Variants in BICDL1 observed in about 807,000 individuals in gnomAD.
BICDL1 encodes BICD family like cargo adaptor 1.
A neutral mutation model predicts 76.8 loss-of-function variants in BICDL1; 20 were observed. The ratio of observed to expected loss-of-function variants is 0.26; its 90% CI spans 0.18 to 0.38. The LOEUF is 0.38. Ranked by LOEUF, BICDL1 falls within the 10% of genes least tolerant of loss-of-function variation. The pLI is 1.00. For synonymous variants in BICDL1, 383 were observed against 337.1 expected, an observed-to-expected ratio of 1.14 and a Z score of -1.49; for missense variants, 700 against 798.6, an observed-to-expected ratio of 0.88 and a Z score of 1.49.
chr12:120,080,666 CA>C, intron 7 of BICDL1: 1 of 417,700 alleles, frequency 2.4e-6, no homozygotes, highest in South Asian at 2.7e-5. Flanking sequence ...AAATTCCCCC[CA>C]GCTCCCTTGC....
rs779360501 is a variant in BICDL1, at chr12:120,071,595, C to T, written c.910-27C>T. ...GTCTTGGTTTTTGTGTTTGGTAAAC[C>T]TCAACCATTTGCTCTTTCTTTGAAA... On this transcript the variant is annotated intron_variant, in intron 4 of 9. Coordinates refer to ENST00000548673, the MANE Select transcript of BICDL1 (RefSeq NM_001367886.1). This position sits in a 1 kb window ranked among gnomAD's most constrained non-coding sequence, Gnocchi z 4.8. The T allele has an allele frequency of 4.4e-6, 7 of 1,580,472 alleles. No homozygotes were observed. The highest frequency in any genetic ancestry group is 6.0e-6 in the Non-Finnish European group (7 of 1,162,708).
intron 2 of BICDL1, chr12:120,000,647 A>G (rs1386658992): frequency 1.3e-5 from 2 of 152,200 alleles, no homozygotes; most frequent in Non-Finnish European, 2.9e-5. Flanking sequence ...AACATGAGCT[A>G]AAGCAGACTC....
Position 119,998,709 on chromosome 12 carries a change from C to G in BICDL1, c.618C>G (p.Asn206Lys), listed in dbSNP as rs2138610176. 6.2e-7 allele frequency: 1 copy of G among 1,613,972 alleles called. No individual in the cohort carries two copies. Among genetic ancestry groups the G allele is most frequent in the Non-Finnish European group, 8.5e-7 (1 of 1,179,978 alleles). The stretch of plus-strand genomic sequence containing the variant: ...CTGTCCAGGAACTGTCGGAACAGAA[C>G]CAAAGGCTATTGGATCAGCTCAGCA... The part of the protein sequence containing the change: ...SRAVQELSEQ[N>K]QRLLDQLSRA... Residue 206 changes from asparagine (N) to lysine (K), a missense_variant, in exon 2 of 10, where the codon AAC becomes AAG. Physicochemically the swap from Asn to Lys is moderately conservative, Grantham distance 94. This residue lies in a region of BICDL1 where 455 missense variants were observed against 548.7 expected (regional missense o/e 0.83). Transcript: ENST00000548673.
chr12:120,006,708 T>C (rs1951856905), intron 2 of BICDL1, among the ~76,000 whole-genome samples: 1 of 152,176 alleles, frequency 6.6e-6, no homozygotes, highest in African/African-American at 2.4e-5. Context: ...AGAAGGCTGC[T>C]ATGACTGGGG....
chr12:120,001,463 G>A (rs1378692975), intron 2 of BICDL1, among the ~76,000 whole-genome samples: 1 of 151,858 alleles, frequency 6.6e-6, no homozygotes, highest in Non-Finnish European at 1.5e-5. Context: ...AGCCAGGATG[G>A]TCTCGATCTC....
intron 2 of BICDL1, 79 bp from the exon 3 acceptor site, chr12:120,061,631 T>TGATAAATGAAAGCAGAAACCTTAACA: frequency 3.1e-6 from 3 of 959,324 alleles, no homozygotes; most frequent in Non-Finnish European, 5.1e-6. Context: ...AAGAGATGCT[T>TGATAAATGAAAGCAGAAACCTTAACA]GATAAATGAA....
intron 2 of BICDL1, among the ~76,000 whole-genome samples, chr12:120,005,420 C>T (rs901031286): frequency 1.3e-5 from 2 of 152,136 alleles, no homozygotes; most frequent in Admixed American, 6.6e-5. Context: ...AGTGCGGTGG[C>T]TGGAGTGTAG....
Position 120,089,951 on chromosome 12 carries a change from G to A in BICDL1, c.1584G>A (p.Lys528=), listed in dbSNP as rs202237697. Reference sequence around the variant, plus strand: ...TTCACCCTGGCTTGTCTGTTCTCAGGAAGAATGCTGTGGAGCTGGAACTTG... The same window carrying A: ...TTCACCCTGGCTTGTCTGTTCTCAGAAAGAATGCTGTGGAGCTGGAACTTG... ...AIRDRDEAIA[K]KNAVELELAK... is the part of the protein sequence containing the mutation. The change falls in exon 9 of 10, where the codon AAG becomes AAA. Residue 528 remains lysine, a splice_region_variant and synonymous_variant. Transcript: ENST00000548673. The A allele has an allele frequency of 3.1e-6, 5 of 1,614,050 alleles. No individual in the cohort carries two copies. In the East Asian group the frequency reaches 8.9e-5, roughly 29 times the overall value.
At chr12:120,058,195 G>C (rs1014419169) in intron 2 of BICDL1, among the ~76,000 whole-genome samples, 3 of 152,172 alleles carry the variant, frequency 2.0e-5, no homozygotes, top group Admixed American at 2.0e-4. Context: ...AGCTTTTGCT[G>C]TGCATATCCC....
At chr12:120,036,380 C>T (rs1952531295) in intron 2 of BICDL1, among the ~76,000 whole-genome samples, 1 of 152,236 alleles carries the variant, frequency 6.6e-6, no homozygotes, top group Non-Finnish European at 1.5e-5. Flanking sequence ...CTTTCTGCTG[C>T]AGTGTAAACC....
In BICDL1 at chr12:120,094,012, A is replaced by ACAAGT. The variant is rs1875207867; in HGVS notation, c.*853_*857dup. On this transcript the variant is annotated 3_prime_UTR_variant, in exon 10 of 10. Coordinates refer to ENST00000548673, the MANE Select transcript of BICDL1 (RefSeq NM_001367886.1). ...ATACATAATTTCTTGGCCTAGCCAAACAAGTCCAGGCCACTGAATGGCACC... is the reference window on the plus strand; with the variant it reads ...ATACATAATTTCTTGGCCTAGCCAAACAAGTCAAGTCCAGGCCACTGAATGGCACC... 2.8e-6 allele frequency: 1 copy of ACAAGT among 354,254 alleles called. No homozygotes were observed. Among genetic ancestry groups the ACAAGT allele is most frequent in the South Asian group, 2.1e-5 (1 of 48,154 alleles). 21.9% of individuals were successfully genotyped at this position (354,254 alleles called of 1,614,324 possible).
chr12:120,031,464 A>C (rs1424969412), intron 2 of BICDL1, among the ~76,000 whole-genome samples: 1 of 152,124 alleles, frequency 6.6e-6, no homozygotes. Context: ...TCAGCCTCCC[A>C]AAGTGCTGAG....
Position 120,071,513 on chromosome 12 carries a change from A to G in BICDL1, c.910-109A>G. ...TTTAACATGTTCTTCTCTCCTATTT[A>G]TTTTTCTATAAATTGGTGGTTGGAT... On this transcript the variant is annotated intron_variant, in intron 4 of 9. Coordinates refer to ENST00000548673, the MANE Select transcript of BICDL1 (RefSeq NM_001367886.1). This position sits in a 1 kb window ranked among gnomAD's most constrained non-coding sequence, Gnocchi z 4.8. 1 of 1,386,144 alleles carries G rather than the reference A, an allele frequency of 7.2e-7. No homozygotes were observed. The highest frequency in any genetic ancestry group is 2.6e-5 in the East Asian group (1 of 38,722). The allele number at this position is 1,386,144 out of a possible 1,614,324, so 85.9% of individuals were successfully genotyped here. A position where few individuals can be genotyped will look rare whatever the true frequency, so the allele number is the denominator to read the frequency against.
intron 2 of BICDL1, among the ~76,000 whole-genome samples, chr12:120,010,054 C>T (rs1951923140): frequency 6.6e-6 from 1 of 152,210 alleles, no homozygotes; most frequent in Non-Finnish European, 1.5e-5. Flanking sequence ...AAATAGTCAT[C>T]ATGAACCCTC....
chr12:120,047,428 T>C (rs1395389813), intron 2 of BICDL1, among the ~76,000 whole-genome samples: 1 of 152,202 alleles, frequency 6.6e-6, no homozygotes, highest in African/African-American at 2.4e-5. Context: ...ATTGTATCTT[T>C]ACGGGCCTAA....
At chr12:120,072,330 G>C (rs1594199201) in intron 5 of BICDL1, among the ~76,000 whole-genome samples, 181 bp from the exon 6 acceptor site, 1 of 152,042 alleles carries the variant, frequency 6.6e-6, no homozygotes, top group African/African-American at 2.4e-5. Flanking sequence ...AAATGTACTT[G>C]GTTCAGAATA....
intron 2 of BICDL1, among the ~76,000 whole-genome samples, chr12:120,053,335 C>T (rs1422204513): frequency 1.3e-5 from 2 of 152,140 alleles, no homozygotes; most frequent in African/African-American, 4.8e-5. Context: ...CCACCCGCCT[C>T]GGCCTTCCAA....
rs376989285 is a variant in BICDL1 at position 119,998,566 on chromosome 12, C to T, written c.475C>T (p.Arg159Ter). ...KHELRRRFEN[R>*]EGEWEGRVSE... is the part of the protein sequence containing the mutation. ...TGAATTGAGAAGACGATTTGAGAAC[C>T]GAGAAGGGGAGTGGGAAGGCCGAGT... The change falls in exon 2 of 10, where the codon CGA becomes TGA. Residue 159 changes from arginine to a stop codon, truncating the protein, a stop_gained. Transcript: ENST00000548673. LOFTEE classifies it high-confidence loss of function. 6.2e-7 allele frequency: 1 copy of T among 1,612,484 alleles called. No homozygotes were observed. Among genetic ancestry groups the T allele is most frequent in the Non-Finnish European group, 8.5e-7 (1 of 1,179,266 alleles).
At chr12:120,081,134 C>G in intron 8 of BICDL1, 117 bp downstream of exon 8, 1 of 1,041,832 alleles carries the variant, frequency 9.6e-7, no homozygotes, top group Non-Finnish European at 1.4e-6. Context: ...AAGTTAGTTT[C>G]CCCGCTACCC....
Sources: allele counts gnomAD v4.1 joint callset (sites outside exome capture counted in the v4.1 genomes callset), GRCh38; gene constraint gnomAD v4.1.1; regional missense constraint gnomAD v4.1.1; non-coding constraint Gnocchi (gnomAD v3.1); transcripts MANE v1.5; gene names NCBI Gene and HGNC (gene_info 2026-07-23, HGNC 2026-07-21).